The following EPC1 variants were observed in gnomAD, a reference collection of about 807,000 sequenced individuals.
The protein encoded by EPC1 is enhancer of polycomb homolog 1.
Under a neutral mutation model 98.4 loss-of-function variants are expected in EPC1, and 12 were observed. The observed-to-expected ratio is 0.12, with a 90% CI of 0.08 to 0.20. EPC1 has a LOEUF of 0.20. Ranked by LOEUF, EPC1 falls within the 10% of genes least tolerant of loss-of-function variation. EPC1 has a pLI of 1.00. For missense variants in EPC1, 729 were observed against 990.5 expected (o/e 0.74, Z 3.54); for synonymous variants, 357 against 363.9 (o/e 0.98, Z 0.21).
At chr10:32,377,626 C>T (rs1345509705) in intron 1 of EPC1, among the ~76,000 whole-genome samples, 2 of 152,126 alleles carry the variant, frequency 1.3e-5, no homozygotes, top group Admixed American at 6.5e-5. Context: ...AATACTTCCA[C>T]TGACTAAAAT....
chr10:32,277,213 G>A (rs1836150158), intron 10 of EPC1, among the ~76,000 whole-genome samples: 1 of 152,222 alleles, frequency 6.6e-6, no homozygotes, highest in South Asian at 2.1e-4. Context: ...TGACAAACAA[G>A]GGTCTACGCA....
At chr10:32,350,247 G>A (rs1052722393), upstream of EPC1, among the ~76,000 whole-genome samples, 1 of 152,196 alleles carries the variant, frequency 6.6e-6, no homozygotes, top group African/African-American at 2.4e-5. Context: ...GGATAACCAG[G>A]TAACACACAG....
chr10:32,281,327 AC>A, intron 10 of EPC1, among the ~76,000 whole-genome samples: 1 of 152,124 alleles, frequency 6.6e-6, no homozygotes, highest in East Asian at 1.9e-4. Flanking sequence ...TACAGGCATG[AC>A]CCACTGTGCC....
At chr10:32,328,797 A>G (rs145983423) in intron 1 of EPC1, among the ~76,000 whole-genome samples, 35 of 152,314 alleles carry the variant, frequency 2.3e-4, no homozygotes, top group African/African-American at 8.4e-4. Context: ...TGTTATACAC[A>G]TGGAAGTGCT....
chr10:32,291,481 ACTT>A (rs1834846881), intron 5 of EPC1, 159 bp from the exon 6 acceptor site: 2 of 574,760 alleles, frequency 3.5e-6, no homozygotes, highest in Non-Finnish European at 5.9e-6. Flanking sequence ...TGGTGAGATT[ACTT>A]AAGATCTACT....
At chr10:32,324,763 G>C (rs918854199) in intron 1 of EPC1, among the ~76,000 whole-genome samples, 2 of 152,136 alleles carry the variant, frequency 1.3e-5, no homozygotes, top group Non-Finnish European at 2.9e-5. Flanking sequence ...GGAGGCCGAG[G>C]TCGGCGGATC....
chr10:32,360,273 A>G (rs1481146403), intron 1 of EPC1, among the ~76,000 whole-genome samples: 1 of 152,194 alleles, frequency 6.6e-6, no homozygotes, highest in Admixed American at 6.5e-5. Context: ...TGTATCATGT[A>G]TATGTCTACA....
intron 1 of EPC1, among the ~76,000 whole-genome samples, chr10:32,364,034 G>A (rs10827045): frequency 5.2e-5 from 1 of 19,338 alleles, no homozygotes; most frequent in African/African-American, 1.2e-4. Flanking sequence ...TTTTTTTTTA[G>A]ATGGAGTTTC....
At chr10:32,289,889 G>T (rs1836900955) in intron 6 of EPC1, among the ~76,000 whole-genome samples, 1 of 152,052 alleles carries the variant, frequency 6.6e-6, no homozygotes, top group African/African-American at 2.4e-5. Flanking sequence ...TTCCCAGAGA[G>T]CTAGGATTAC....
chr10:32,348,449 A>C (rs1838998334), upstream of EPC1, among the ~76,000 whole-genome samples: 1 of 152,224 alleles, frequency 6.6e-6, no homozygotes, highest in Non-Finnish European at 1.5e-5. Flanking sequence ...AAAAGTAATC[A>C]CGCTCCTTAA....
At chr10:32,377,574 C>A (rs1354003056) in intron 1 of EPC1, 1 of 152,188 alleles carries the variant, frequency 6.6e-6, no homozygotes, top group Non-Finnish European at 1.5e-5. Flanking sequence ...CTGCTCTCAC[C>A]ATAGTTCACA....
At position 32,353,600 on chromosome 10, in the gene EPC1, G is replaced by A. The variant is rs570312544; in HGVS notation, c.3+24891C>T. 3.3e-5 allele frequency among the ~76,000 whole-genome samples: 5 copies of A among 152,316 alleles called. No individual in the cohort carries two copies. The South Asian group carries it at 1.0e-3, about 32-fold the overall frequency. ...GTTTACTAAGAGCTAAGGCAAGACAGTTTGTGTTGGAGAAACAATAATAAA... is the reference window on the plus strand; with the variant it reads ...GTTTACTAAGAGCTAAGGCAAGACAATTTGTGTTGGAGAAACAATAATAAA... On this transcript the variant is annotated intron_variant, in intron 1 of 13. Transcript: ENST00000375110.
chr10:32,272,276 A>C (rs1335785104), intron 11 of EPC1, 109 bp from the exon 12 acceptor site: 1 of 867,404 alleles, frequency 1.2e-6, no homozygotes, highest in African/African-American at 1.7e-5. Flanking sequence ...AAAATGGCAA[A>C]CCACTGAAAT....
chr10:32,363,288 C>A (rs1263356680), intron 1 of EPC1, among the ~76,000 whole-genome samples: 1 of 152,146 alleles, frequency 6.6e-6, no homozygotes, highest in Non-Finnish European at 1.5e-5. Context: ...ACCATGTTGC[C>A]CAGGCTGGTC....
At chr10:32,324,698 CAAG>C (rs1278392138) in intron 1 of EPC1, among the ~76,000 whole-genome samples, 2 of 151,164 alleles carry the variant, frequency 1.3e-5, no homozygotes, top group African/African-American at 2.4e-5. Flanking sequence ...AACAAACAAA[CAAG>C]AACACATTTT....
chr10:32,320,227 C>CT (rs201634644), intron 1 of EPC1, among the ~76,000 whole-genome samples: 3,560 of 150,740 alleles, frequency 0.024, 89 homozygotes, highest in East Asian at 0.12. Context: ...AGCAAAAGGA[C>CT]TTTTTTTTTA....
chr10:32,373,658 A>G (rs1394472578), intron 1 of EPC1, among the ~76,000 whole-genome samples: 2 of 152,212 alleles, frequency 1.3e-5, no homozygotes, highest in African/African-American at 2.4e-5. Context: ...CAACAAGATG[A>G]ATAAGAGTAA....
intron 1 of EPC1, among the ~76,000 whole-genome samples, chr10:32,337,348 C>T (rs1391386527): frequency 6.6e-6 from 1 of 152,218 alleles, no homozygotes; most frequent in African/African-American, 2.4e-5. Context: ...ACTGTTCTTT[C>T]TTTCCTCTTG....
chr10:32,273,356 T>C, intron 10 of EPC1, 75 bp from the exon 11 acceptor site: 1 of 1,521,844 alleles, frequency 6.6e-7, no homozygotes, highest in Non-Finnish European at 8.8e-7. Context: ...AAAACAAAAA[T>C]TCTGCATTAA....
Sources: gnomAD v4.1 joint callset for allele counts (sites outside exome capture counted in the v4.1 genomes callset) on GRCh38, gnomAD v4.1.1 for gene constraint, MANE v1.5 for transcripts, NCBI Gene and HGNC (gene_info 2026-07-23, HGNC 2026-07-21) for gene names.